The following ANKS1B variants were observed in gnomAD, a reference collection of about 807,000 sequenced individuals.
The protein encoded by ANKS1B is ankyrin repeat and sterile alpha motif domain containing 1B, also known as ankyrin repeat and sterile alpha motif domain-containing protein 1B.
A neutral mutation model predicts 148.3 loss-of-function variants in ANKS1B; 36 were observed. That is an observed-to-expected ratio of 0.24 (90% confidence interval 0.19 to 0.32). The LOEUF is 0.32. Ranked by LOEUF, ANKS1B falls within the 10% of genes least tolerant of loss-of-function variation. The pLI, the probability that ANKS1B is intolerant of heterozygous loss-of-function variation, is 1.00. For missense variants in ANKS1B, 1,157 were observed against 1,542.6 expected (o/e 0.75, Z 4.19); for synonymous variants, 542 against 560.8 (o/e 0.97, Z 0.47).
At chr12:99,355,039 C>G (rs1592952768) in intron 12 of ANKS1B, among the ~76,000 whole-genome samples, 1 of 152,072 alleles carries the variant, frequency 6.6e-6, no homozygotes. Context: ...AGTATGATAT[C>G]TAATACTTAT....
At chr12:99,087,094 A>G (rs6538897) in intron 15 of ANKS1B, among the ~76,000 whole-genome samples, 1 of 152,026 alleles carries the variant, frequency 6.6e-6, no homozygotes. Flanking sequence ...GGAATACACA[A>G]AAATTCAAGG....
intron 8 of ANKS1B, among the ~76,000 whole-genome samples, chr12:99,731,785 A>G (rs2059185399): frequency 2.6e-5 from 4 of 152,190 alleles, no homozygotes; most frequent in Admixed American, 2.6e-4. Flanking sequence ...AAAAACATGA[A>G]TCATACACAC....
rs548320135 is a variant in ANKS1B at position 99,868,326 on chromosome 12, C to A, written c.135-42937G>T. 9.2e-5 allele frequency among the ~76,000 whole-genome samples: 14 copies of A among 152,246 alleles called. 1 individual carries two copies. The East Asian group carries it at 2.7e-3, about 29-fold the overall frequency. On this transcript the variant is annotated intron_variant, in intron 1 of 26. Coordinates refer to ENST00000683438, the MANE Select transcript of ANKS1B (RefSeq NM_001352186.2). Reference sequence around the variant, plus strand: ...GAGCTGTACAAATACAGTATGAGCACTTTCTTCTATGTATATTATACTTCA... The same window carrying A: ...GAGCTGTACAAATACAGTATGAGCAATTTCTTCTATGTATATTATACTTCA...
At chr12:99,440,503 G>C (rs1168642434) in intron 11 of ANKS1B, among the ~76,000 whole-genome samples, 1 of 151,398 alleles carries the variant, frequency 6.6e-6, no homozygotes, top group South Asian at 2.1e-4. Context: ...AGAGAAAAGA[G>C]TAATAACCAT....
intron 16 of ANKS1B, among the ~76,000 whole-genome samples, chr12:99,064,948 G>T (rs1270095890): frequency 6.6e-6 from 1 of 152,070 alleles, no homozygotes; most frequent in African/African-American, 2.4e-5. Flanking sequence ...AGAGCCTTTT[G>T]TTAAACATCG....
chr12:99,466,538 C>T (rs533353825), intron 10 of ANKS1B, among the ~76,000 whole-genome samples: 2 of 151,022 alleles, frequency 1.3e-5, no homozygotes, highest in South Asian at 4.2e-4. Flanking sequence ...TGATAGACCG[C>T]TAGCAAGACT....
chr12:99,380,061 T>TC, intron 12 of ANKS1B, among the ~76,000 whole-genome samples: 1 of 152,356 alleles, frequency 6.6e-6, no homozygotes, highest in East Asian at 1.9e-4. Flanking sequence ...ACTCTTGTTC[T>TC]CATCGGCATT....
chr12:99,074,800 G>A (rs2047328630), intron 16 of ANKS1B, among the ~76,000 whole-genome samples: 2 of 152,140 alleles, frequency 1.3e-5, no homozygotes, highest in South Asian at 4.1e-4. Flanking sequence ...CCTCTAATCA[G>A]CATTTTTGTT....
chr12:99,698,666 C>T (rs1405817168), intron 8 of ANKS1B, among the ~76,000 whole-genome samples: 1 of 152,162 alleles, frequency 6.6e-6, no homozygotes, highest in African/African-American at 2.4e-5. Context: ...ATTTAAGCCT[C>T]GGGTTTATGA....
chr12:99,876,287 G>A (rs147841552), intron 1 of ANKS1B, among the ~76,000 whole-genome samples: 14 of 152,310 alleles, frequency 9.2e-5, no homozygotes, highest in Non-Finnish European at 1.9e-4. Context: ...GATAAATGAT[G>A]TAACAGAAAA....
At chr12:99,530,826 C>A (rs1255514829) in intron 9 of ANKS1B, among the ~76,000 whole-genome samples, 2 of 152,102 alleles carry the variant, frequency 1.3e-5, no homozygotes, top group Admixed American at 1.3e-4. Flanking sequence ...TGTCAGAGGA[C>A]AATCATGATC....
At chr12:98,852,299 G>C (rs1158489202) in intron 17 of ANKS1B, among the ~76,000 whole-genome samples, 1 of 152,152 alleles carries the variant, frequency 6.6e-6, no homozygotes, top group East Asian at 1.9e-4. Flanking sequence ...TGGGAGGAGG[G>C]AGCAGATCTG....
At chr12:99,000,545 A>C (rs1336469983) in intron 17 of ANKS1B, among the ~76,000 whole-genome samples, 2 of 152,228 alleles carry the variant, frequency 1.3e-5, no homozygotes, top group Non-Finnish European at 2.9e-5. Flanking sequence ...CTGGGATTAC[A>C]GGCATGAGCC....
At chr12:99,950,040 A>G (rs980902582) in intron 1 of ANKS1B, among the ~76,000 whole-genome samples, 6 of 151,652 alleles carry the variant, frequency 4.0e-5, no homozygotes, top group East Asian at 1.9e-4. Flanking sequence ...AGCTCACTGC[A>G]GGCTAAAGCA....
chr12:99,370,521 GAC>G lies in ANKS1B; in HGVS notation c.1756+29108_1756+29109del, dbSNP rs149207701. ...GAATCTCTTTAAAAGACAGGCAACAGACACACAGACATGCAATGAATTCAATA... is the reference window on the plus strand; with the variant it reads ...GAATCTCTTTAAAAGACAGGCAACAGACACAGACATGCAATGAATTCAATA... On this transcript the variant is annotated intron_variant, in intron 12 of 26. Transcript: ENST00000683438. Among the ~76,000 whole-genome samples, 1,211 of 152,232 alleles carry G rather than the reference GAC, an allele frequency of 8.0e-3. 9 individuals carry two copies. The highest frequency in any genetic ancestry group is 0.013 in the Non-Finnish European group (901 of 67,978).
intron 12 of ANKS1B, among the ~76,000 whole-genome samples, chr12:99,316,624 G>C (rs1182100218): frequency 1.3e-5 from 2 of 151,720 alleles, no homozygotes; most frequent in Non-Finnish European, 2.9e-5. Flanking sequence ...TAGGTTTCCT[G>C]TTCACTCTGA....
intron 15 of ANKS1B, among the ~76,000 whole-genome samples, chr12:99,091,103 A>G (rs2053837666): frequency 6.6e-6 from 1 of 152,298 alleles, no homozygotes; most frequent in African/African-American, 2.4e-5. Context: ...TCTTCAGACT[A>G]TGTGGACTAT....
At chr12:99,905,692 CA>C (rs897915782) in intron 1 of ANKS1B, among the ~76,000 whole-genome samples, 2 of 152,214 alleles carry the variant, frequency 1.3e-5, no homozygotes, top group African/African-American at 2.4e-5. Flanking sequence ...CTCAATCTGG[CA>C]TGCAGATAGC....
chr12:99,580,212 G>A (rs999070333), intron 9 of ANKS1B, among the ~76,000 whole-genome samples: 10 of 152,090 alleles, frequency 6.6e-5, no homozygotes, highest in Non-Finnish European at 1.2e-4. Flanking sequence ...AGGGTTGGAG[G>A]ACTGTGAGGG....
Sources: allele counts gnomAD v4.1 joint callset (sites outside exome capture counted in the v4.1 genomes callset), GRCh38; gene constraint gnomAD v4.1.1; transcripts MANE v1.5; gene names NCBI Gene and HGNC (gene_info 2026-07-23, HGNC 2026-07-21).